DOCK4: variants seen among roughly 807,000 people sequenced by gnomAD.
DOCK4 encodes the protein dedicator of cytokinesis 4, also known as dedicator of cytokinesis protein 4.
DOCK4 carries 97 observed loss-of-function variants against 268.1 expected under a neutral mutation model. The ratio of observed to expected loss-of-function variants is 0.36; its 90% CI spans 0.31 to 0.43. The LOEUF is 0.43. DOCK4 is among the 20% of genes least tolerant of loss of function. The probability of loss-of-function intolerance (pLI) is 1.00; values close to 1 mark genes in which losing one functional copy is unlikely to be tolerated. For synonymous variants in DOCK4, 954 were observed against 887.2 expected, an observed-to-expected ratio of 1.08 and a Z score of -1.34; for missense variants, 2,145 against 2,455.7, an observed-to-expected ratio of 0.87 and a Z score of 2.67.
intron 1 of DOCK4, among the ~76,000 whole-genome samples, chr7:112,025,295 T>C (rs190435556): frequency 6.6e-6 from 1 of 152,288 alleles, no homozygotes; most frequent in Admixed American, 6.5e-5. Context: ...AATTAGGCTC[T>C]ATGCAAGGGA....
intron 1 of DOCK4, among the ~76,000 whole-genome samples, chr7:112,109,391 C>T (rs900085484): frequency 6.6e-6 from 1 of 152,004 alleles, no homozygotes; most frequent in African/African-American, 2.4e-5. Flanking sequence ...ACAGGCCCCC[C>T]AATAAGTCAC....
At position 112,123,231 on chromosome 7, in the gene DOCK4, G is replaced by A. The variant is rs552125772; in HGVS notation, c.37+82871C>T. On this transcript the variant is annotated intron_variant, in intron 1 of 52. Transcript: ENST00000428084. ...CTAATAAGATGGAGAAGATCTCCTT[G>A]GTGGGTCTGGATTTTAGGCAGATAA... Among the ~76,000 whole-genome samples the A allele has an allele frequency of 2.6e-5, 4 of 152,272 alleles. No individual in the cohort carries two copies. In the South Asian group the frequency reaches 8.3e-4, roughly 32 times the overall value.
intron 12 of DOCK4, among the ~76,000 whole-genome samples, chr7:111,926,934 G>A (rs978983928): frequency 6.6e-6 from 1 of 151,972 alleles, no homozygotes; most frequent in African/African-American, 2.4e-5. Context: ...AACGGAGGAA[G>A]GAAGACAGGA....
chr7:111,976,278 T>C (rs1376555594), intron 8 of DOCK4, among the ~76,000 whole-genome samples: 22 of 13,406 alleles, frequency 1.6e-3, no homozygotes, highest in Non-Finnish European at 2.4e-3. Flanking sequence ...ATTATATATA[T>C]ATATATATAT....
intron 1 of DOCK4, among the ~76,000 whole-genome samples, chr7:112,013,943 T>C (rs1801584599): frequency 6.6e-6 from 1 of 152,194 alleles, no homozygotes; most frequent in South Asian, 2.1e-4. Context: ...CTCCTTTATG[T>C]TCCCAATACC....
intron 1 of DOCK4, chr7:112,023,717 A>G (rs1802538810): frequency 1.1e-5 from 5 of 436,286 alleles, no homozygotes; most frequent in Admixed American, 7.8e-5. Flanking sequence ...CCATCCCTGA[A>G]AGGGGGTGCA....
chr7:111,883,293 A>G (rs1807566468), intron 16 of DOCK4, among the ~76,000 whole-genome samples: 1 of 151,994 alleles, frequency 6.6e-6, no homozygotes, highest in South Asian at 2.1e-4. Context: ...CATTCACCCT[A>G]TCTGGTCTAT....
At chr7:111,961,501 G>C (rs1480108392) in intron 8 of DOCK4, among the ~76,000 whole-genome samples, 1 of 152,158 alleles carries the variant, frequency 6.6e-6, no homozygotes, top group Non-Finnish European at 1.5e-5. Flanking sequence ...CCTCACCTTT[G>C]GGAGGATAAA....
intron 7 of DOCK4, among the ~76,000 whole-genome samples, chr7:111,979,118 G>A (rs896439652): frequency 1.3e-5 from 2 of 152,136 alleles, no homozygotes; most frequent in Admixed American, 1.3e-4. Flanking sequence ...AAAAACTGCC[G>A]AATGACCAAA....
chr7:111,951,725 G>C (rs1006553554), intron 8 of DOCK4, among the ~76,000 whole-genome samples: 7 of 151,626 alleles, frequency 4.6e-5, no homozygotes, highest in African/African-American at 1.7e-4. Context: ...TATAATCCCA[G>C]GCACTCAGTA....
rs1189356957 is a variant in DOCK4 at position 111,811,954 on chromosome 7, T to A, written c.2931-5A>T. 1 of 1,463,092 alleles carries A rather than the reference T, an allele frequency of 6.8e-7. No homozygotes were observed. The highest frequency in any genetic ancestry group is 9.2e-7 in the Non-Finnish European group (1 of 1,082,450). 90.6% of individuals were successfully genotyped at this position (1,463,092 alleles called of 1,614,324 possible). ...AGAACTGTTGTAATAATAACACTAG[T>A]GATAAAAAAAATGACAAGGTGAAAA... On this transcript the variant is annotated splice_region_variant and splice_polypyrimidine_tract_variant and intron_variant, in intron 27 of 52. Transcript: ENST00000428084.
intron 1 of DOCK4, among the ~76,000 whole-genome samples, chr7:112,119,468 C>G (rs1294225837): frequency 6.6e-6 from 1 of 152,206 alleles, no homozygotes; most frequent in Non-Finnish European, 1.5e-5. Flanking sequence ...ATCTACAGTG[C>G]TGTTGGCACT....
intron 12 of DOCK4, among the ~76,000 whole-genome samples, chr7:111,926,428 AAAAG>A (rs1318877354): frequency 1.3e-5 from 2 of 148,542 alleles, no homozygotes; most frequent in African/African-American, 2.6e-5. Flanking sequence ...AGACAAAGAA[AAAAG>A]AAAGACAGAG....
intron 20 of DOCK4, among the ~76,000 whole-genome samples, chr7:111,870,323 C>CTTTTTTTTTTTTTTTTTTT: frequency 7.6e-6 from 1 of 131,358 alleles, no homozygotes; most frequent in Non-Finnish European, 1.6e-5. Flanking sequence ...TTTTTCTTTT[C>CTTTTTTTTTTTTTTTTTTT]TTTTTTTTTT....
intron 1 of DOCK4, among the ~76,000 whole-genome samples, chr7:112,039,348 T>C (rs1022155965): frequency 1.5e-5 from 2 of 136,634 alleles, no homozygotes; most frequent in Non-Finnish European, 3.1e-5. Flanking sequence ...TGTAGAAAAC[T>C]GAAGGTTTTA....
chr7:111,910,598 C>T (rs1792016234), intron 13 of DOCK4, among the ~76,000 whole-genome samples: 1 of 152,174 alleles, frequency 6.6e-6, no homozygotes, highest in Non-Finnish European at 1.5e-5. Flanking sequence ...CTAATTTCAT[C>T]TCTTTTATTC....
At chr7:111,748,234 T>C (rs1479520248) in intron 42 of DOCK4, among the ~76,000 whole-genome samples, 3 of 152,148 alleles carry the variant, frequency 2.0e-5, no homozygotes, top group East Asian at 1.9e-4. Flanking sequence ...GGAAACAAAT[T>C]AGAGTTTTTA....
chr7:112,008,900 G>A (rs1801070078), intron 1 of DOCK4, among the ~76,000 whole-genome samples: 1 of 152,234 alleles, frequency 6.6e-6, no homozygotes, highest in Non-Finnish European at 1.5e-5. Context: ...AGGCTGAGCA[G>A]GAGAATCGCT....
chr7:111,787,973 T>C (rs964580925), intron 32 of DOCK4, among the ~76,000 whole-genome samples: 4 of 152,200 alleles, frequency 2.6e-5, no homozygotes, highest in Non-Finnish European at 5.9e-5. Context: ...ACATTCTCAC[T>C]GTATCTTCTG....
Sources: allele counts gnomAD v4.1 joint callset (sites outside exome capture counted in the v4.1 genomes callset), GRCh38; gene constraint gnomAD v4.1.1; transcripts MANE v1.5; gene names NCBI Gene and HGNC (gene_info 2026-07-23, HGNC 2026-07-21).